The following FOXP2 variants were observed in gnomAD, a reference collection of about 807,000 sequenced individuals.
FOXP2 encodes the protein forkhead box P2.
FOXP2 carries 12 observed loss-of-function variants against 115.8 expected under a neutral mutation model. That is an observed-to-expected ratio of 0.10 (90% CI 0.07 to 0.17). The LOEUF is 0.17. FOXP2 is among the 10% of genes least tolerant of loss of function. The probability of loss-of-function intolerance (pLI) is 1.00; values close to 1 mark genes in which losing one functional copy is unlikely to be tolerated. For synonymous variants in FOXP2, 328 were observed against 297.7 expected, an observed-to-expected ratio of 1.10 and a Z score of -1.05; for missense variants, 629 against 843.5, an observed-to-expected ratio of 0.75 and a Z score of 3.15.
At chr7:114,670,057 G>T (rs1444998578) in intron 16 of FOXP2, 1 of 151,912 alleles carries the variant, frequency 6.6e-6, no homozygotes, top group Non-Finnish European at 1.5e-5. Context: ...GATTATTAGA[G>T]TCTCCTACTG....
intron 16 of FOXP2, among the ~76,000 whole-genome samples, chr7:114,685,275 A>G (rs962907967): frequency 1.3e-5 from 2 of 152,116 alleles, no homozygotes; most frequent in South Asian, 2.1e-4. Flanking sequence ...CATACAGTAG[A>G]GTCCTATTTT....
Position 114,691,241 on chromosome 7 carries a change from C to A in FOXP2, c.*1315C>A, listed in dbSNP as rs1189001052. ...GTATGGTCTTAATCTTTGTTGTGTA[C>A]TATTTTTTTATAGTCTTAAGTTATA... On this transcript the variant is annotated 3_prime_UTR_variant, in exon 17 of 17. Transcript: ENST00000350908. 4.4e-6 allele frequency: 2 copies of A among 453,464 alleles called. No homozygotes were observed. Among genetic ancestry groups the A allele is most frequent in the South Asian group, 3.1e-5 (2 of 64,368 alleles). The allele number at this position is 453,464 out of a possible 1,614,324, so 28.1% of individuals were successfully genotyped here.
At chr7:114,325,404 A>G (rs577627676) in intron 2 of FOXP2, among the ~76,000 whole-genome samples, 1 of 152,014 alleles carries the variant, frequency 6.6e-6, no homozygotes, top group Non-Finnish European at 1.5e-5. Context: ...TGTACAAAAT[A>G]TAAGCAAAAA....
chr7:114,319,997 G>A (rs1392108259), intron 2 of FOXP2, among the ~76,000 whole-genome samples: 14 of 152,044 alleles, frequency 9.2e-5, no homozygotes, highest in African/African-American at 1.9e-4. Context: ...TCACTGATGC[G>A]GATTTCAGAT....
intron 2 of FOXP2, among the ~76,000 whole-genome samples, chr7:114,293,098 GGT>G (rs1432678227): frequency 7.9e-5 from 12 of 152,030 alleles, no homozygotes; most frequent in African/African-American, 2.9e-4. Flanking sequence ...CCTCTAAGAT[GGT>G]CCCCATTTTC....
chr7:114,154,389 T>A (rs1431997950), intron 1 of FOXP2, among the ~76,000 whole-genome samples: 1 of 151,998 alleles, frequency 6.6e-6, no homozygotes, highest in Non-Finnish European at 1.5e-5. Context: ...TTCCACATCA[T>A]AAACAAGCTA....
intron 2 of FOXP2, among the ~76,000 whole-genome samples, chr7:114,430,531 A>C (rs999813134): frequency 6.6e-6 from 1 of 151,810 alleles, no homozygotes; most frequent in Non-Finnish European, 1.5e-5. Flanking sequence ...AATAGTGGCA[A>C]GTTTACAACG....
intron 1 of FOXP2, among the ~76,000 whole-genome samples, chr7:114,179,958 G>A (rs1793415361): frequency 6.6e-6 from 1 of 151,872 alleles, no homozygotes; most frequent in East Asian, 1.9e-4. Flanking sequence ...TCTTGGACCA[G>A]TCTCCTTTTC....
chr7:114,625,230 T>TA (rs1173755614), intron 3 of FOXP2, among the ~76,000 whole-genome samples: 6 of 151,870 alleles, frequency 4.0e-5, no homozygotes, highest in Non-Finnish European at 7.4e-5. Context: ...TTTTAACTGA[T>TA]AAATACCCAT....
chr7:114,260,999 C>G (rs191367693), intron 1 of FOXP2, among the ~76,000 whole-genome samples: 7 of 152,302 alleles, frequency 4.6e-5, no homozygotes, highest in Admixed American at 2.6e-4. Context: ...TATAAGATTA[C>G]TGTCTCTACT....
chr7:114,412,933 TA>T (rs930192257), upstream of FOXP2, among the ~76,000 whole-genome samples: 16 of 152,250 alleles, frequency 1.1e-4, no homozygotes, highest in African/African-American at 2.6e-4. Context: ...ATATTTTACT[TA>T]AAAAAATGAA....
At chr7:114,486,043 T>C (rs1796758707) in intron 2 of FOXP2, among the ~76,000 whole-genome samples, 1 of 152,174 alleles carries the variant, frequency 6.6e-6, no homozygotes, top group Non-Finnish European at 1.5e-5. Flanking sequence ...GATAGCAATG[T>C]AGAATTAATA....
chr7:114,321,175 C>CTGTATTTATTTA (rs1797410346), intron 2 of FOXP2, among the ~76,000 whole-genome samples: 1 of 140,794 alleles, frequency 7.1e-6, no homozygotes, highest in Non-Finnish European at 1.5e-5. Flanking sequence ...TATCTAGTAA[C>CTGTATTTATTTA]TTTATTTATT....
chr7:114,361,012 C>G (rs1337234063), intron 2 of FOXP2, among the ~76,000 whole-genome samples: 1 of 152,132 alleles, frequency 6.6e-6, no homozygotes, highest in Non-Finnish European at 1.5e-5. Context: ...CTCATTAACA[C>G]AGTGTTGGAA....
intron 1 of FOXP2, among the ~76,000 whole-genome samples, chr7:114,275,197 G>A (rs1036157044): frequency 1.1e-4 from 16 of 151,904 alleles, no homozygotes; most frequent in African/African-American, 3.9e-4. Context: ...GTGGGTTAGT[G>A]TTTGACAATA....
chr7:114,250,980 A>G (rs1280830794), intron 1 of FOXP2, among the ~76,000 whole-genome samples: 2 of 151,952 alleles, frequency 1.3e-5, no homozygotes, highest in African/African-American at 4.8e-5. Flanking sequence ...TTGTATAAGG[A>G]AAAAGAAGGG....
intron 1 of FOXP2, among the ~76,000 whole-genome samples, chr7:114,281,190 C>G (rs191042123): frequency 6.6e-6 from 1 of 151,018 alleles, no homozygotes; most frequent in Non-Finnish European, 1.5e-5. Context: ...CAACCTCCCC[C>G]TCCCGGGTTT....
At chr7:114,144,277 T>C (rs1356909694) in intron 1 of FOXP2, among the ~76,000 whole-genome samples, 1 of 152,194 alleles carries the variant, frequency 6.6e-6, no homozygotes, top group Non-Finnish European at 1.5e-5. Flanking sequence ...GTTTATGGTA[T>C]ATAGTTCACC....
intron 1 of FOXP2, among the ~76,000 whole-genome samples, chr7:114,240,687 G>A (rs967613257): frequency 2.6e-5 from 4 of 151,354 alleles, no homozygotes; most frequent in Non-Finnish European, 5.9e-5. Context: ...ACAGATTCTT[G>A]AAAATATTTT....
Sources: gnomAD v4.1 joint callset for allele counts (sites outside exome capture counted in the v4.1 genomes callset) on GRCh38, gnomAD v4.1.1 for gene constraint, MANE v1.5 for transcripts, NCBI Gene and HGNC (gene_info 2026-07-23, HGNC 2026-07-21) for gene names.